The following CDH8 variants were observed in gnomAD, a reference collection of about 807,000 sequenced individuals.
CDH8 encodes cadherin-8.
In CDH8, 17 loss-of-function variants were observed where a neutral mutation model predicts 68.1. The observed-to-expected ratio is 0.25, with a 90% CI of 0.17 to 0.37. The LOEUF (loss-of-function observed/expected upper bound fraction) is 0.37, where lower values mean the gene tolerates loss of function less well. Among genes scored for constraint, CDH8 ranks in the 10% least tolerant of loss-of-function variants. CDH8 has a pLI of 1.00. For synonymous variants in CDH8, 372 were observed against 365.1 expected, an observed-to-expected ratio of 1.02 and a Z score of -0.21; for missense variants, 763 against 999.3, an observed-to-expected ratio of 0.76 and a Z score of 3.19.
At chr16:61,794,507 T>C (rs1461968820) in intron 7 of CDH8, among the ~76,000 whole-genome samples, 3 of 152,078 alleles carry the variant, frequency 2.0e-5, no homozygotes, top group Admixed American at 6.6e-5. Flanking sequence ...AGCTTTAGTG[T>C]CAGCATTATT....
intron 4 of CDH8, among the ~76,000 whole-genome samples, chr16:61,835,823 C>T (rs1387792610): frequency 6.6e-6 from 1 of 151,848 alleles, no homozygotes; most frequent in Admixed American, 6.6e-5. Flanking sequence ...TTTCTCCTAG[C>T]AATTCAGAAC....
intron 8 of CDH8, among the ~76,000 whole-genome samples, chr16:61,760,903 T>C (rs1445388544): frequency 6.6e-6 from 1 of 152,116 alleles, no homozygotes; most frequent in Non-Finnish European, 1.5e-5. Flanking sequence ...AAGGTTTGTT[T>C]TCAAGAAGAT....
chr16:61,946,629 G>A (rs548107183), intron 2 of CDH8, among the ~76,000 whole-genome samples: 13 of 152,252 alleles, frequency 8.5e-5, no homozygotes, highest in African/African-American at 3.1e-4. Context: ...GCGTTTGATA[G>A]GTCACAGCTT....
chr16:61,812,081 C>T (rs1961964513), intron 7 of CDH8, among the ~76,000 whole-genome samples: 1 of 152,218 alleles, frequency 6.6e-6, no homozygotes, highest in African/African-American at 2.4e-5. Flanking sequence ...ACCACAAACA[C>T]ACACACAAAC....
At chr16:61,992,974 G>A (rs1965750972) in intron 2 of CDH8, among the ~76,000 whole-genome samples, 1 of 152,014 alleles carries the variant, frequency 6.6e-6, no homozygotes, top group Non-Finnish European at 1.5e-5. Flanking sequence ...GTATGGAGGT[G>A]GGGTCTCACT....
intron 7 of CDH8, among the ~76,000 whole-genome samples, chr16:61,803,409 T>C (rs1273530077): frequency 7.8e-6 from 1 of 128,072 alleles, no homozygotes; most frequent in Non-Finnish European, 1.7e-5. Context: ...CTGCATCAAC[T>C]AACCAGCAAA....
At chr16:61,823,476 T>C (rs1041547950) in intron 5 of CDH8, among the ~76,000 whole-genome samples, 1 of 151,960 alleles carries the variant, frequency 6.6e-6, no homozygotes, top group Non-Finnish European at 1.5e-5. Flanking sequence ...GACTCAACTA[T>C]GCATCACACT....
intron 10 of CDH8, among the ~76,000 whole-genome samples, chr16:61,688,815 G>A (rs527401533): frequency 6.6e-6 from 1 of 151,914 alleles, no homozygotes; most frequent in Non-Finnish European, 1.5e-5. Flanking sequence ...ATCAGTTCTA[G>A]TGGTCTTTAT....
intron 10 of CDH8, among the ~76,000 whole-genome samples, chr16:61,676,738 TAGAA>T (rs1309960370): frequency 1.3e-5 from 2 of 152,036 alleles, no homozygotes; most frequent in East Asian, 1.9e-4. Flanking sequence ...ACATACAGCT[TAGAA>T]AGAAACACAT....
In CDH8 at chr16:61,648,563, T is replaced by C. The variant is rs1475568768; in HGVS notation, c.*5045A>G. 6.6e-6 allele frequency: 1 copy of C among 151,836 alleles called. No individual in the cohort carries two copies. Among genetic ancestry groups the C allele is most frequent in the African/African-American group, 2.4e-5 (1 of 41,380 alleles). The allele number at this position is 151,836 out of a possible 1,614,324, so 9.4% of individuals were successfully genotyped here. A position where few individuals can be genotyped will look rare whatever the true frequency, so the allele number is the denominator to read the frequency against. Reference sequence around the variant, plus strand: ...AGTTGAAAGTTAAGGGGATTTAGTGTCAGATCAACCAAACTTAAACCCAGA... The same window carrying C: ...AGTTGAAAGTTAAGGGGATTTAGTGCCAGATCAACCAAACTTAAACCCAGA... On this transcript the variant is annotated 3_prime_UTR_variant, in exon 12 of 12. Coordinates refer to ENST00000577390, the MANE Select transcript of CDH8 (RefSeq NM_001796.5).
chr16:61,966,484 G>A (rs1340937809), intron 2 of CDH8, among the ~76,000 whole-genome samples: 1 of 152,048 alleles, frequency 6.6e-6, no homozygotes, highest in Non-Finnish European at 1.5e-5. Flanking sequence ...GTTGCAGTGA[G>A]CTGAGATCGT....
chr16:61,969,569 T>A (rs1303523151), intron 2 of CDH8, among the ~76,000 whole-genome samples: 1 of 152,218 alleles, frequency 6.6e-6, no homozygotes, highest in African/African-American at 2.4e-5. Context: ...CATTTATCTA[T>A]ATAAAGAGAT....
chr16:61,835,111 A>G (rs1230777824), intron 4 of CDH8, among the ~76,000 whole-genome samples: 7 of 151,920 alleles, frequency 4.6e-5, no homozygotes. Flanking sequence ...ATTCTGTTTG[A>G]CAGGCATGGC....
In CDH8 at chr16:61,652,878, AG is replaced by A; in HGVS notation, c.*729del. 6.6e-7 allele frequency: 1 copy of A among 1,524,898 alleles called. No homozygotes were observed. The highest frequency in any genetic ancestry group is 8.8e-7 in the Non-Finnish European group (1 of 1,141,500). 94.5% of individuals were successfully genotyped at this position (1,524,898 alleles called of 1,614,324 possible). On this transcript the variant is annotated 3_prime_UTR_variant, in exon 12 of 12. Transcript: ENST00000577390. ...GTCCTTGTGGAAGAAGATGAAGAGG[AG>A]GGAACGAGGAATCCTGCTTCTAGAA...
At chr16:61,704,174 G>C (rs868334741) in intron 10 of CDH8, among the ~76,000 whole-genome samples, 2 of 152,072 alleles carry the variant, frequency 1.3e-5, no homozygotes. Flanking sequence ...CGCACATAGC[G>C]ATGTTTCATG....
intron 10 of CDH8, among the ~76,000 whole-genome samples, chr16:61,702,387 A>G (rs957683954): frequency 4.6e-5 from 7 of 152,116 alleles, no homozygotes; most frequent in Middle Eastern, 3.2e-3. Context: ...AAGAAAAAAA[A>G]AAAAGAAAAA....
At chr16:61,861,458 A>T (rs527801076) in intron 3 of CDH8, among the ~76,000 whole-genome samples, 25 of 152,244 alleles carry the variant, frequency 1.6e-4, no homozygotes, top group Non-Finnish European at 2.9e-4. Flanking sequence ...ATTTCTGTTG[A>T]TCTTATCTTA....
intron 2 of CDH8, among the ~76,000 whole-genome samples, chr16:61,979,261 T>C (rs1457438939): frequency 6.6e-6 from 1 of 152,162 alleles, no homozygotes; most frequent in Non-Finnish European, 1.5e-5. Context: ...GCGGATAACA[T>C]GACACAGGTG....
intron 2 of CDH8, chr16:61,934,065 A>G (rs894421677): frequency 1.1e-4 from 16 of 152,106 alleles, no homozygotes; most frequent in African/African-American, 3.9e-4. Flanking sequence ...GCAAACTAAG[A>G]AGATAATACC....
Sources: gnomAD v4.1 joint callset for allele counts (sites outside exome capture counted in the v4.1 genomes callset) on GRCh38, gnomAD v4.1.1 for gene constraint, MANE v1.5 for transcripts, NCBI Gene and HGNC (gene_info 2026-07-23, HGNC 2026-07-21) for gene names.